MYO3B: variants seen among roughly 807,000 people sequenced by gnomAD.
MYO3B encodes myosin IIIB.
Under a neutral mutation model 174.6 loss-of-function variants are expected in MYO3B, and 156 were observed. That is an observed-to-expected ratio of 0.89 (90% CI 0.78 to 1.02). MYO3B has a LOEUF of 1.02. Ranked by LOEUF, MYO3B falls within the 50% of genes least tolerant of loss-of-function variation. The pLI, the probability that MYO3B is intolerant of heterozygous loss-of-function variation, is 0.00. For synonymous variants in MYO3B, 563 were observed against 569.1 expected, an observed-to-expected ratio of 0.99 and a Z score of 0.15; for missense variants, 1,632 against 1,639.4, an observed-to-expected ratio of 1.00 and a Z score of 0.08.
intron 32 of MYO3B, among the ~76,000 whole-genome samples, chr2:170,602,568 CT>C (rs1694579986): frequency 6.6e-6 from 1 of 152,170 alleles, no homozygotes; most frequent in African/African-American, 2.4e-5. Flanking sequence ...CTCTTAGGTC[CT>C]TTTTACTTTT....
At chr2:170,426,281 G>A (rs1187839120) in intron 22 of MYO3B, among the ~76,000 whole-genome samples, 2 of 151,594 alleles carry the variant, frequency 1.3e-5, no homozygotes, top group Non-Finnish European at 2.9e-5. Flanking sequence ...CGAGACTGCA[G>A]TGAGCCACGA....
intron 32 of MYO3B, among the ~76,000 whole-genome samples, chr2:170,552,234 T>G (rs1344061295): frequency 6.6e-6 from 1 of 152,262 alleles, no homozygotes; most frequent in South Asian, 2.1e-4. Flanking sequence ...AGGAACAGTT[T>G]GGAGGGATCA....
chr2:170,444,547 A>G (rs1450554347), intron 23 of MYO3B, among the ~76,000 whole-genome samples: 5 of 152,236 alleles, frequency 3.3e-5, no homozygotes, highest in African/African-American at 1.2e-4. Flanking sequence ...GTAAGTGCCA[A>G]CAGAGAAACA....
intron 22 of MYO3B, among the ~76,000 whole-genome samples, chr2:170,419,653 T>C (rs2196753): frequency 0.95 from 144,738 of 152,138 alleles, 69,214 homozygotes; most frequent in East Asian, 1. Flanking sequence ...ACCACCTTTC[T>C]TTATAAAGCC....
intron 6 of MYO3B, 117 bp downstream of exon 6, chr2:170,217,512 C>T: frequency 3.5e-6 from 3 of 849,774 alleles, no homozygotes; most frequent in Admixed American, 1.8e-5. Flanking sequence ...GTCCATTATC[C>T]TCATTGAACT....
intron 25 of MYO3B, among the ~76,000 whole-genome samples, chr2:170,495,268 G>T (rs1397303106): frequency 6.6e-6 from 1 of 152,102 alleles, no homozygotes; most frequent in Non-Finnish European, 1.5e-5. Flanking sequence ...CCTTTACATT[G>T]AAGTACACAG....
intron 9 of MYO3B, among the ~76,000 whole-genome samples, chr2:170,376,296 T>C (rs535877784): frequency 6.6e-6 from 1 of 152,344 alleles, no homozygotes; most frequent in Admixed American, 6.5e-5. Flanking sequence ...CTATTGTTTT[T>C]CTCGTTTGAG....
intron 1 of MYO3B, among the ~76,000 whole-genome samples, chr2:170,197,985 C>T (rs1209741833): frequency 6.6e-6 from 1 of 152,076 alleles, no homozygotes; most frequent in Non-Finnish European, 1.5e-5. Flanking sequence ...GTTTAGTGCT[C>T]ACTGCAACCC....
intron 5 of MYO3B, among the ~76,000 whole-genome samples, 195 bp from the exon 6 acceptor site, chr2:170,217,124 C>A (rs1156352868): frequency 1.3e-5 from 2 of 151,894 alleles, no homozygotes; most frequent in African/African-American, 4.8e-5. Flanking sequence ...TATTGGAATG[C>A]AGCCACATTC....
intron 9 of MYO3B, among the ~76,000 whole-genome samples, chr2:170,379,904 A>G (rs2094323009): frequency 2.0e-5 from 3 of 152,252 alleles, no homozygotes; most frequent in South Asian, 2.1e-4. Flanking sequence ...TTAACTTAAT[A>G]GGCTAGAAAG....
chr2:170,289,776 G>T (rs1607435), intron 7 of MYO3B, among the ~76,000 whole-genome samples: 19,298 of 151,618 alleles, frequency 0.13, 1,461 homozygotes, highest in Admixed American at 0.24. Flanking sequence ...GTTCCTTGAG[G>T]GGTGTCATTA....
chr2:170,352,299 G>GA (rs2094079733), intron 8 of MYO3B, among the ~76,000 whole-genome samples: 1 of 152,132 alleles, frequency 6.6e-6, no homozygotes, highest in East Asian at 1.9e-4. Flanking sequence ...AGAACTACAG[G>GA]AAAATTGACA....
In MYO3B at chr2:170,420,968, G is replaced by T. The variant is rs190928154; in HGVS notation, c.2650+13124G>T. Among the ~76,000 whole-genome samples, 361 of 152,112 alleles carry T rather than the reference G, an allele frequency of 2.4e-3. 4 individuals are homozygous for T. The highest frequency in any genetic ancestry group is 2.1e-3 in the Non-Finnish European group (144 of 68,004). ...CTCTTCCAGGGAGTTTCTAGTCTGG[G>T]TTGGGTAAAATTCCTGGTACCACTA... On this transcript the variant is annotated intron_variant, in intron 22 of 34. Coordinates refer to ENST00000408978, the MANE Select transcript of MYO3B (RefSeq NM_138995.5).
chr2:170,401,796 C>CTT lies in MYO3B; in HGVS notation c.2129+109_2129+110dup, dbSNP rs1268110549. ...TTTGGTCCTCTCTGGGATTTTCTTT[C>CTT]TTTTTCTTTTTTTTTTTTTTTGTGG... is the stretch of plus-strand genomic sequence containing the variant. On this transcript the variant is annotated intron_variant, in intron 18 of 34. Transcript: ENST00000408978. 8.3e-5 allele frequency: 66 copies of CTT among 794,316 alleles called. No individual in the cohort carries two copies. In the African/African-American group the frequency reaches 9.5e-4, roughly 11 times the overall value. 49.2% of individuals were successfully genotyped at this position (794,316 alleles called of 1,614,324 possible).
intron 32 of MYO3B, among the ~76,000 whole-genome samples, chr2:170,630,087 C>G (rs1177931313): frequency 1.3e-5 from 2 of 152,190 alleles, no homozygotes; most frequent in Non-Finnish European, 2.9e-5. Flanking sequence ...GGAGGGCGAG[C>G]TGAAGCAGGG....
At chr2:170,367,168 T>C (rs995088786) in intron 8 of MYO3B, among the ~76,000 whole-genome samples, 2 of 152,218 alleles carry the variant, frequency 1.3e-5, no homozygotes, top group African/African-American at 4.8e-5. Context: ...GGACCCCTGG[T>C]CCTTTTGTTC....
chr2:170,422,368 G>T (rs72876387), intron 22 of MYO3B, among the ~76,000 whole-genome samples: 1 of 152,040 alleles, frequency 6.6e-6, no homozygotes, highest in Non-Finnish European at 1.5e-5. Context: ...GCACCTGCCT[G>T]ATTTACTCTG....
At chr2:170,564,527 A>G (rs1691941492) in intron 32 of MYO3B, among the ~76,000 whole-genome samples, 1 of 152,226 alleles carries the variant, frequency 6.6e-6, no homozygotes, top group African/African-American at 2.4e-5. Context: ...TGTCTTGTGG[A>G]AACAGTTTGT....
intron 14 of MYO3B, among the ~76,000 whole-genome samples, chr2:170,388,910 G>T (rs2094394162): frequency 6.6e-6 from 1 of 152,184 alleles, no homozygotes; most frequent in Non-Finnish European, 1.5e-5. Context: ...AGTCATTTAC[G>T]CTTCCCTGTG....
Sources: allele counts gnomAD v4.1 joint callset (sites outside exome capture counted in the v4.1 genomes callset), GRCh38; gene constraint gnomAD v4.1.1; transcripts MANE v1.5; gene names NCBI Gene and HGNC (gene_info 2026-07-23, HGNC 2026-07-21).